Variants in DDB2 observed in about 807,000 individuals in gnomAD.
DDB2 encodes the protein damage specific DNA binding protein 2, also known as DNA damage-binding protein 2.
DDB2 carries 27 observed loss-of-function variants against 50.5 expected under a neutral mutation model. The ratio of observed to expected loss-of-function variants is 0.53; its 90% CI spans 0.39 to 0.74. The LOEUF (loss-of-function observed/expected upper bound fraction) is 0.74, where lower values mean the gene tolerates loss of function less well. DDB2 is among the 30% of genes least tolerant of loss of function. The pLI is 0.00. For synonymous variants in DDB2, 176 were observed against 205.5 expected (o/e 0.86, Z 1.23); for missense variants, 424 against 545.6 (o/e 0.78, Z 2.22).
chr11:47,234,986 TGCTGGGGTTTTCCCTCA>T, intron 6 of DDB2, 52 bp downstream of exon 6: 2 of 1,597,656 alleles, frequency 1.3e-6, no homozygotes, highest in Non-Finnish European at 8.6e-7. Flanking sequence ...GTCTGACCAC[TGCTGGGGTTTTCCCTCA>T]GTGTGGAAGC....
intron 3 of DDB2, among the ~76,000 whole-genome samples, chr11:47,229,298 GT>G (rs1267793880): frequency 6.6e-6 from 1 of 152,176 alleles, no homozygotes; most frequent in East Asian, 1.9e-4. Context: ...CTGAAGCGGG[GT>G]TGAGGATGCT....
chr11:47,235,327 G>A lies in DDB2; in HGVS notation c.938G>A (p.Arg313Gln), dbSNP rs1022769202. The A allele has an allele frequency of 3.2e-5, 52 of 1,614,054 alleles. No individual in the cohort carries two copies. The highest frequency in any genetic ancestry group is 8.9e-5 in the East Asian group (4 of 44,896). Reference sequence around the variant, plus strand: ...ACCACGGACCAGAAGAGCGAGATCCGAGTTTACTCTGCTTCCCAGTGGGAC... The same window carrying A: ...ACCACGGACCAGAAGAGCGAGATCCAAGTTTACTCTGCTTCCCAGTGGGAC... ...LLTTDQKSEIRVYSASQWDCP... is the reference protein window; with the variant it reads ...LLTTDQKSEIQVYSASQWDCP... Residue 313 changes from arginine to glutamine, a missense_variant, in exon 7 of 10, where the codon CGA (arginine) becomes CAA (glutamine). By Grantham distance (43) the Arg-to-Gln change is conservative. Coordinates refer to ENST00000256996, the MANE Select transcript of DDB2 (RefSeq NM_000107.3).
At position 47,234,846 on chromosome 11, in the gene DDB2, TCAAA is replaced by T. The variant is rs1953701277; in HGVS notation, c.795_798del (p.Thr266Ter). 1.2e-6 allele frequency: 2 copies of T among 1,614,142 alleles called. No individual in the cohort carries two copies. Among genetic ancestry groups the T allele is most frequent in the Non-Finnish European group, 1.7e-6 (2 of 1,180,012 alleles). On this transcript the variant is annotated frameshift_variant, in exon 6 of 10. Transcript: ENST00000256996. LOFTEE classifies it high-confidence loss of function. ...GGTTCCTGGCCACAGCCTCCGTAGA[TCAAA>T]CAGTGAAAATTTGGGACCTGCGCCA...
At chr11:47,217,934 C>G (rs1485472692) in intron 3 of DDB2, among the ~76,000 whole-genome samples, 2 of 152,160 alleles carry the variant, frequency 1.3e-5, no homozygotes, top group Non-Finnish European at 2.9e-5. Context: ...TTGACCTCAT[C>G]TTACGCCATT....
intron 3 of DDB2, among the ~76,000 whole-genome samples, chr11:47,222,707 C>G (rs1422484577): frequency 6.6e-6 from 1 of 152,152 alleles, no homozygotes; most frequent in Non-Finnish European, 1.5e-5. Flanking sequence ...GAATTTTTTT[C>G]TAGTTTTTGA....
rs1412924560 is a variant in DDB2 at position 47,235,190 on chromosome 11, C to T, written c.881-80C>T. 1.9e-6 allele frequency: 3 copies of T among 1,578,852 alleles called. No individual in the cohort carries two copies. The African/African-American group carries it at 4.0e-5, about 21-fold the overall frequency. Reference sequence around the variant, plus strand: ...TAGAGAGGAGTGGGAGGGAGAGTACCCCTGCAGGAGAAGGCCTGCAAGGCC... The same window carrying T: ...TAGAGAGGAGTGGGAGGGAGAGTACTCCTGCAGGAGAAGGCCTGCAAGGCC... On this transcript the variant is annotated intron_variant, in intron 6 of 9. Coordinates refer to ENST00000256996, the MANE Select transcript of DDB2 (RefSeq NM_000107.3).
chr11:47,238,990 C>A lies in DDB2; in HGVS notation c.*141C>A, dbSNP rs1378950559. The A allele has an allele frequency of 2.5e-6, 2 of 803,470 alleles. No homozygotes were observed. Among genetic ancestry groups the A allele is most frequent in the Non-Finnish European group, 4.1e-6 (2 of 492,188 alleles). The allele number at this position is 803,470 out of a possible 1,614,324, so 49.8% of individuals were successfully genotyped here. ...GGAGCAGGGGTGCTGGGACCTGGGG[C>A]ACTGTGGGACTGGGACACTTTTATG... is the stretch of plus-strand genomic sequence containing the variant. On this transcript the variant is annotated 3_prime_UTR_variant, in exon 10 of 10. Coordinates refer to ENST00000256996, the MANE Select transcript of DDB2 (RefSeq NM_000107.3).
intron 3 of DDB2, 57 bp from the exon 4 acceptor site, chr11:47,232,757 T>TGGTTCCTCACGGCCAGGCCC: frequency 2.5e-6 from 4 of 1,605,238 alleles, no homozygotes; most frequent in Non-Finnish European, 3.4e-6. Flanking sequence ...TGCCCAGGCC[T>TGGTTCCTCACGGCCAGGCCC]GGTTCCTCAC....
intron 3 of DDB2, among the ~76,000 whole-genome samples, chr11:47,226,061 G>A (rs1953552851): frequency 6.6e-6 from 1 of 152,304 alleles, no homozygotes. Flanking sequence ...GAATAATGCT[G>A]CAGTGAATGT....
At position 47,231,119 on chromosome 11, in the gene DDB2, CAAAAAAA is replaced by C. The variant is rs139290057; in HGVS notation, c.457-1676_457-1670del. Among the ~76,000 whole-genome samples the C allele has an allele frequency of 3.6e-4, 21 of 58,374 alleles. 1 individual carries two copies. The highest frequency in any genetic ancestry group is 0.027 in the Middle Eastern group (2 of 74). 38.3% of individuals were successfully genotyped at this position (58,374 alleles called of 152,430 possible). ...TGGGCGACAGAGCAAGCCTTCATCTCAAAAAAAAAAAAAAAAAAAAAAAAACACACAA... is the reference window on the plus strand; with the variant it reads ...TGGGCGACAGAGCAAGCCTTCATCTCAAAAAAAAAAAAAAAAAACACACAA... On this transcript the variant is annotated intron_variant, in intron 3 of 9. Transcript: ENST00000256996.
Position 47,215,148 on chromosome 11 carries a change from G to A in DDB2, c.12G>A (p.Lys4=), listed in dbSNP as rs1953382040. The change falls in exon 1 of 10, where the codon AAG becomes AAA. Residue 4 remains lysine (K), a synonymous_variant. Transcript: ENST00000256996. ...ACACGGAGGACGCGATGGCTCCCAA[G>A]AAACGCCCAGAAACCCAGAAGACCT... is the stretch of plus-strand genomic sequence containing the variant. MAP[K]KRPETQKTSE... is the part of the protein sequence containing the mutation. The A allele has an allele frequency of 1.2e-6, 2 of 1,614,110 alleles. No individual in the cohort carries two copies. Among genetic ancestry groups the A allele is most frequent in the Middle Eastern group, 1.6e-4 (1 of 6,062 alleles).
At chr11:47,214,791 A>G (rs892263274), upstream of DDB2, 6 of 364,142 alleles carry the variant, frequency 1.6e-5, no homozygotes, top group Admixed American at 4.3e-5. Context: ...AAAAAAATCC[A>G]TAAAGCCGGG....
At chr11:47,226,995 T>C (rs1953568120) in intron 3 of DDB2, among the ~76,000 whole-genome samples, 1 of 151,972 alleles carries the variant, frequency 6.6e-6, no homozygotes, top group South Asian at 2.1e-4. Flanking sequence ...AGATTGGATC[T>C]TGCTATGTCT....
At chr11:47,235,699 C>G (rs1167570174) in intron 7 of DDB2, 6 of 492,322 alleles carry the variant, frequency 1.2e-5, no homozygotes, top group Non-Finnish European at 2.2e-5. Flanking sequence ...ACCCTCTGTT[C>G]TGTCTTCTCA....
Position 47,238,160 on chromosome 11 carries a change from G to A in DDB2, c.1211G>A (p.Gly404Glu). ...ISSLNEFNPM[G>E]DTLASAMGYH... Reference sequence around the variant, plus strand: ...CAGCTTAATGAATTCAATCCCATGGGGGACACGCTGGCCTCTGCAATGGGT... The same window carrying A: ...CAGCTTAATGAATTCAATCCCATGGAGGACACGCTGGCCTCTGCAATGGGT... Residue 404 changes from glycine to glutamate, a missense_variant, in exon 9 of 10, where the codon GGG becomes GAG. Coordinates refer to ENST00000256996, the MANE Select transcript of DDB2 (RefSeq NM_000107.3). 6.2e-7 allele frequency: 1 copy of A among 1,612,050 alleles called. No individual in the cohort carries two copies.
At chr11:47,235,926 C>CTTTTTTTTTT (rs10677833) in intron 7 of DDB2, 1 of 61,824 alleles carries the variant, frequency 1.6e-5, no homozygotes, top group Non-Finnish European at 2.7e-5. Context: ...CAGGCTGATC[C>CTTTTTTTTTT]TTTTTTTTTT....
intron 3 of DDB2, chr11:47,229,793 C>A: frequency 2.4e-6 from 1 of 419,792 alleles, no homozygotes; most frequent in Non-Finnish European, 4.6e-6. Context: ...AAGTATCTCA[C>A]CCTATGCTTA....
intron 3 of DDB2, among the ~76,000 whole-genome samples, chr11:47,227,716 G>T (rs564861093): frequency 6.6e-6 from 1 of 152,142 alleles, no homozygotes; most frequent in Middle Eastern, 3.4e-3. Context: ...CTTGGAATAA[G>T]TTCATCCTGG....
At chr11:47,219,550 A>G (rs900638926) in intron 3 of DDB2, among the ~76,000 whole-genome samples, 2 of 151,980 alleles carry the variant, frequency 1.3e-5, no homozygotes, top group African/African-American at 2.4e-5. Context: ...TGGTCTCTCT[A>G]TATTGCCCAG....
Sources: allele counts gnomAD v4.1 joint callset (sites outside exome capture counted in the v4.1 genomes callset), GRCh38; gene constraint gnomAD v4.1.1; transcripts MANE v1.5; gene names NCBI Gene and HGNC (gene_info 2026-07-23, HGNC 2026-07-21).